FBXO38: variants seen among roughly 807,000 people sequenced by gnomAD.
The protein encoded by FBXO38 is F-box only protein 38.
Under a neutral mutation model 131.9 loss-of-function variants are expected in FBXO38, and 53 were observed. The observed-to-expected ratio is 0.40, with a 90% CI of 0.32 to 0.51. The LOEUF (loss-of-function observed/expected upper bound fraction) is 0.51, where lower values mean the gene tolerates loss of function less well. Among genes scored for constraint, FBXO38 ranks in the 20% least tolerant of loss-of-function variants. FBXO38 has a pLI of 0.53. For missense variants in FBXO38, 1,076 were observed against 1,475.6 expected (o/e 0.73, Z 4.44); for synonymous variants, 452 against 505.6 (o/e 0.89, Z 1.42).
intron 5 of FBXO38, 32 bp downstream of exon 5, chr5:148,402,545 T>C: frequency 6.7e-7 from 1 of 1,490,252 alleles, no homozygotes; most frequent in Non-Finnish European, 9.1e-7. Flanking sequence ...CACTTGTAAC[T>C]CCTTGAAATG....
At chr5:148,431,408 A>T (rs1335054398) in intron 15 of FBXO38, among the ~76,000 whole-genome samples, 1 of 152,196 alleles carries the variant, frequency 6.6e-6, no homozygotes, top group Admixed American at 6.5e-5. Flanking sequence ...GAAAATGTAA[A>T]CTACCAGTTT....
In FBXO38 at chr5:148,424,073, A is replaced by G; in HGVS notation, c.1694A>G (p.His565Arg). 6.2e-7 allele frequency: 1 copy of G among 1,613,698 alleles called. No homozygotes were observed. The highest frequency in any genetic ancestry group is 8.5e-7 in the Non-Finnish European group (1 of 1,179,658). The part of the protein sequence containing the change: ...VAESGNNTPA[H>R]SQAIIPVDVD... ...GAGAGTGGAAATAATACTCCAGCTC[A>G]CAGCCAGGCAATTATTCCTGTGGAT... is the stretch of plus-strand genomic sequence containing the variant. The change falls in exon 13 of 22, where the codon CAC becomes CGC. Residue 565 changes from histidine to arginine, a missense_variant. By Grantham distance (29) the His-to-Arg change is conservative. Coordinates refer to ENST00000340253, the MANE Select transcript of FBXO38 (RefSeq NM_205836.3).
intron 3 of FBXO38, chr5:148,399,389 T>G: frequency 2.3e-6 from 1 of 440,962 alleles, no homozygotes; most frequent in Non-Finnish European, 4.1e-6. Context: ...CATCTGTGAT[T>G]GGAGAACATG....
chr5:148,415,216 GGTTT>G (rs1299535922), intron 10 of FBXO38: 4 of 151,990 alleles, frequency 2.6e-5, no homozygotes, highest in African/African-American at 4.8e-5. Context: ...TTGGGTTTTT[GGTTT>G]GTTTGTTTTC....
At position 148,404,733 on chromosome 5, in the gene FBXO38, A is replaced by G. The variant is rs776215149; in HGVS notation, c.641A>G (p.Tyr214Cys). ...IPCIPMLRHLYMKWVRLTKPQ... is the reference protein window; with the variant it reads ...IPCIPMLRHLCMKWVRLTKPQ... ...TGTATCCCAATGCTAAGGCACCTTT[A>G]TATGAAGTGGGTAAGACTCACTAAA... The change falls in exon 6 of 22, where the codon TAT becomes TGT. Residue 214 changes from tyrosine (Y) to cysteine (C), a missense_variant. Coordinates refer to ENST00000340253, the MANE Select transcript of FBXO38 (RefSeq NM_205836.3). 7 of 1,604,758 alleles carry G rather than the reference A, an allele frequency of 4.4e-6. No homozygotes were observed. In the East Asian group the frequency reaches 1.6e-4, roughly 36 times the overall value.
chr5:148,433,340 T>C (rs754542908), intron 15 of FBXO38, 84 bp from the exon 16 acceptor site: 8 of 879,772 alleles, frequency 9.1e-6, no homozygotes, highest in Non-Finnish European at 1.5e-5. Flanking sequence ...ACCTTGATTA[T>C]GTTCATACGT....
At chr5:148,441,827 G>A (rs1754700151) in intron 21 of FBXO38, 142 bp from the exon 22 acceptor site, 2 of 569,398 alleles carry the variant, frequency 3.5e-6, no homozygotes, top group Middle Eastern at 4.2e-4. Flanking sequence ...ACAAACTGGT[G>A]GTGACCCATT....
chr5:148,429,094 A>G (rs1215105356), intron 15 of FBXO38, among the ~76,000 whole-genome samples: 1 of 152,154 alleles, frequency 6.6e-6, no homozygotes, highest in Admixed American at 6.5e-5. Context: ...ATCATCCTGA[A>G]CTGAAACTCT....
At chr5:148,436,016 C>T (rs1295699609) in intron 17 of FBXO38, among the ~76,000 whole-genome samples, 1 of 152,116 alleles carries the variant, frequency 6.6e-6, no homozygotes, top group Non-Finnish European at 1.5e-5. Flanking sequence ...AAAACAGTAA[C>T]ATCAGAGATC....
intron 15 of FBXO38, chr5:148,430,149 A>ATTTTTTTTTTTTTTTTTTTTT (rs11393577): frequency 7.7e-6 from 1 of 129,434 alleles, no homozygotes. Context: ...TATAATTATT[A>ATTTTTTTTTTTTTTTTTTTTT]TTATTATTAT....
intron 1 of FBXO38, among the ~76,000 whole-genome samples, chr5:148,390,688 T>C (rs959636857): frequency 2.0e-5 from 3 of 152,340 alleles, no homozygotes; most frequent in Middle Eastern, 3.4e-3. Context: ...AAATATTTGT[T>C]AACTCTCAAT....
chr5:148,419,296 C>T (rs2113598711), intron 12 of FBXO38, among the ~76,000 whole-genome samples: 1 of 152,158 alleles, frequency 6.6e-6, no homozygotes, highest in South Asian at 2.1e-4. Flanking sequence ...CAGGTCACTC[C>T]CACATGGTAG....
In FBXO38 at chr5:148,399,092, A is replaced by G; in HGVS notation, c.222A>G (p.Val74=). 1 of 1,613,472 alleles carries G rather than the reference A, an allele frequency of 6.2e-7. No individual in the cohort carries two copies. The highest frequency in any genetic ancestry group is 8.5e-7 in the Non-Finnish European group (1 of 1,179,620). The change falls in exon 3 of 22, where the codon GTA becomes GTG. Residue 74 remains valine (V), a synonymous_variant. Coordinates refer to ENST00000340253, the MANE Select transcript of FBXO38 (RefSeq NM_205836.3). ...TATATCTGCGAGTTGTGAGAGTTGTAGATCTCTGTGCAGGGCGGTGGTGGG... is the reference window on the plus strand; with the variant it reads ...TATATCTGCGAGTTGTGAGAGTTGTGGATCTCTGTGCAGGGCGGTGGTGGG... ...VTLYLRVVRV[V]DLCAGRWWEY...
intron 1 of FBXO38, chr5:148,384,691 A>G (rs945157277): frequency 6.6e-6 from 1 of 152,202 alleles, no homozygotes; most frequent in African/African-American, 2.4e-5. Context: ...CCTGAAAAGC[A>G]TATTCTCCCT....
chr5:148,442,755 A>G lies in FBXO38; in HGVS notation c.*608A>G, dbSNP rs1754765427. ...GAGAGGGAAATGGAAAAGTTTCCAG[A>G]GTATTTCTAGTAATTTATTTCCACA... On this transcript the variant is annotated 3_prime_UTR_variant, in exon 22 of 22. Transcript: ENST00000340253. 6.6e-6 allele frequency: 1 copy of G among 152,214 alleles called. No individual in the cohort carries two copies. Among genetic ancestry groups the G allele is most frequent in the Non-Finnish European group, 1.5e-5 (1 of 68,044 alleles). 9.4% of individuals were successfully genotyped at this position (152,214 alleles called of 1,614,324 possible). A position where few individuals can be genotyped will look rare whatever the true frequency, so the allele number is the denominator to read the frequency against.
chr5:148,425,241 T>C (rs1336327911), intron 13 of FBXO38, among the ~76,000 whole-genome samples: 1 of 152,232 alleles, frequency 6.6e-6, no homozygotes, highest in Non-Finnish European at 1.5e-5. Context: ...ATAGTGAAGG[T>C]CCTGCAAGGG....
At chr5:148,428,838 A>G (rs1171122494) in intron 15 of FBXO38, among the ~76,000 whole-genome samples, 2 of 152,236 alleles carry the variant, frequency 1.3e-5, no homozygotes, top group African/African-American at 4.8e-5. Context: ...GCTAGTTACC[A>G]TAGTTGCATA....
chr5:148,427,874 T>A lies in FBXO38; in HGVS notation c.2580T>A (p.Asn860Lys), dbSNP rs770834395. The A allele has an allele frequency of 2.4e-5, 37 of 1,568,972 alleles. No homozygotes were observed. The highest frequency in any genetic ancestry group is 2.8e-5 in the Non-Finnish European group (32 of 1,160,226). The change falls in exon 15 of 22, where the codon AAT (asparagine) becomes AAA (lysine). Residue 860 changes from asparagine (N) to lysine (K), a missense_variant. By Grantham distance (94) the Asn-to-Lys change is moderately conservative (BLOSUM62 0). Coordinates refer to ENST00000340253, the MANE Select transcript of FBXO38 (RefSeq NM_205836.3). ...CTGAGAGTTGTGACGTGCAGTCTAA[T>A]GAAGACTACCCTCGGAGGCCCCTAA... ...SQPESCDVQS[N>K]EDYPRRPLTR...
chr5:148,384,113 A>T (rs909207763), intron 1 of FBXO38, 74 bp downstream of exon 1: 5 of 152,876 alleles, frequency 3.3e-5, no homozygotes, highest in Admixed American at 2.0e-4. Context: ...GGCAGGGCTG[A>T]GGTAGCTGGG....
Sources: allele counts gnomAD v4.1 joint callset (sites outside exome capture counted in the v4.1 genomes callset), GRCh38; gene constraint gnomAD v4.1.1; transcripts MANE v1.5; gene names NCBI Gene and HGNC (gene_info 2026-07-23, HGNC 2026-07-21).